The following ZNF385D variants were observed in gnomAD, a reference collection of about 807,000 sequenced individuals.
ZNF385D encodes the protein zinc finger protein 385D.
A neutral mutation model predicts 35.8 loss-of-function variants in ZNF385D; 15 were observed. That is an observed-to-expected ratio of 0.42 (90% CI 0.28 to 0.64). The LOEUF is 0.64. Ranked by LOEUF, ZNF385D falls within the 30% of genes least tolerant of loss-of-function variation. The pLI is 0.23. For synonymous variants in ZNF385D, 212 were observed against 186.8 expected (o/e 1.13, Z -1.10); for missense variants, 474 against 494.6 (o/e 0.96, Z 0.39).
intron 3 of ZNF385D, among the ~76,000 whole-genome samples, chr3:22,018,277 TA>T (rs1281462995): frequency 6.6e-6 from 1 of 151,732 alleles, no homozygotes; most frequent in East Asian, 1.9e-4. Context: ...ACTTGTCATT[TA>T]AAAAATTATA....
chr3:21,433,646 G>T (rs1039175663), intron 5 of ZNF385D, among the ~76,000 whole-genome samples: 3 of 152,122 alleles, frequency 2.0e-5, no homozygotes, highest in Non-Finnish European at 4.4e-5. Context: ...GACAATAGTG[G>T]GGTATATTTA....
At chr3:21,764,087 A>C (rs2070731072) in intron 3 of ZNF385D, among the ~76,000 whole-genome samples, 1 of 152,122 alleles carries the variant, frequency 6.6e-6, no homozygotes, top group African/African-American at 2.4e-5. Context: ...AGATTAGAGA[A>C]GGGCTTTTGA....
chr3:22,196,734 A>G (rs1696447886), intron 2 of ZNF385D, among the ~76,000 whole-genome samples: 1 of 152,032 alleles, frequency 6.6e-6, no homozygotes, highest in Admixed American at 6.6e-5. Flanking sequence ...ACATTTGTTT[A>G]AACCCCAAAA....
intron 2 of ZNF385D, among the ~76,000 whole-genome samples, chr3:21,598,333 T>C (rs888416440): frequency 1.3e-5 from 2 of 152,206 alleles, no homozygotes; most frequent in African/African-American, 4.8e-5. Context: ...ATAGGTTACA[T>C]GCATGTAGCT....
At chr3:22,000,160 C>G (rs1695745302) in intron 3 of ZNF385D, among the ~76,000 whole-genome samples, 1 of 152,032 alleles carries the variant, frequency 6.6e-6, no homozygotes, top group South Asian at 2.1e-4. Flanking sequence ...AAAAAATTAG[C>G]CTGGCGTGGT....
chr3:22,149,636 G>A (rs1306513898), intron 3 of ZNF385D, among the ~76,000 whole-genome samples: 1 of 151,976 alleles, frequency 6.6e-6, no homozygotes. Context: ...CAACTACTTG[G>A]GTCCATATCT....
At chr3:21,795,594 T>A (rs1372278380) in intron 3 of ZNF385D, among the ~76,000 whole-genome samples, 1 of 152,124 alleles carries the variant, frequency 6.6e-6, no homozygotes, top group Non-Finnish European at 1.5e-5. Context: ...AAAGATAAGC[T>A]CAAGTAATTG....
intron 3 of ZNF385D, among the ~76,000 whole-genome samples, chr3:21,531,283 A>T (rs985516251): frequency 6.6e-6 from 1 of 152,206 alleles, no homozygotes; most frequent in African/African-American, 2.4e-5. Flanking sequence ...GTGGAGAAAC[A>T]GGAACTCTCA....
At position 22,372,606 on chromosome 3, in the gene ZNF385D, C is replaced by T. The variant is rs1426903501; in HGVS notation, c.-51G>A. 7.3e-6 allele frequency: 6 copies of T among 817,888 alleles called. No homozygotes were observed. The East Asian group carries it at 5.0e-4, about 68-fold the overall frequency. 50.7% of individuals were successfully genotyped at this position (817,888 alleles called of 1,614,324 possible). On this transcript the variant is annotated 5_prime_UTR_variant, in exon 2 of 6. Transcript: ENST00000494108. ...GCTGTCCCGGGAGACGCACGGCTGC[C>T]CGCCTGCAGCTTCAACGGCGGTGGT...
At chr3:22,290,286 A>G (rs546198198) in intron 2 of ZNF385D, among the ~76,000 whole-genome samples, 1 of 152,278 alleles carries the variant, frequency 6.6e-6, no homozygotes, top group East Asian at 1.9e-4. Flanking sequence ...AACCTATTCA[A>G]TATGAATGCT....
intron 3 of ZNF385D, among the ~76,000 whole-genome samples, chr3:22,131,917 T>G (rs1214536847): frequency 6.6e-6 from 1 of 152,254 alleles, no homozygotes; most frequent in Middle Eastern, 3.4e-3. Context: ...TGGAGGCTGA[T>G]GCTAATGAAT....
chr3:21,871,464 C>A (rs1697687004), intron 3 of ZNF385D, among the ~76,000 whole-genome samples: 1 of 152,082 alleles, frequency 6.6e-6, no homozygotes, highest in Admixed American at 6.6e-5. Context: ...TTCTTGAAGG[C>A]AGTAACTTTG....
chr3:21,988,018 A>T (rs1275336664), intron 3 of ZNF385D, among the ~76,000 whole-genome samples: 1 of 145,052 alleles, frequency 6.9e-6, no homozygotes, highest in Non-Finnish European at 1.5e-5. Flanking sequence ...TTTCAGCTCC[A>T]TCAGCTCCTT....
At chr3:21,634,561 T>C (rs1325453126) in intron 2 of ZNF385D, among the ~76,000 whole-genome samples, 1 of 152,024 alleles carries the variant, frequency 6.6e-6, no homozygotes, top group African/African-American at 2.4e-5. Flanking sequence ...GAAGTACTTA[T>C]CAATATTCAA....
chr3:22,202,233 C>A lies in ZNF385D; in HGVS notation c.107-33198G>T, dbSNP rs115343745. 8.7e-3 allele frequency among the ~76,000 whole-genome samples: 1,325 copies of A among 152,100 alleles called. 17 individuals carry two copies. The highest frequency in any genetic ancestry group is 0.03 in the African/African-American group (1,250 of 41,498). On this transcript the variant is annotated intron_variant, in intron 2 of 5. Transcript: ENST00000494108. ...GCACTTAAGAAAGCTCATAGAAGAA[C>A]CTATCAATAAGCTTTATTTGTTTCT...
At position 22,107,026 on chromosome 3, in the gene ZNF385D, G is replaced by GTTTTTTTTTTTTTT. The variant is rs10676871; in HGVS notation, c.325+61777_325+61790dup. On this transcript the variant is annotated intron_variant, in intron 3 of 5. Coordinates refer to the ZNF385D transcript ENST00000494108. The stretch of plus-strand genomic sequence containing the variant: ...TTTATGCAAAAACTTTGGAATGAGA[G>GTTTTTTTTTTTTTT]TTTTTTTTTTTTTTTTAGACAGAGT... 1.9e-4 allele frequency among the ~76,000 whole-genome samples: 22 copies of GTTTTTTTTTTTTTT among 118,824 alleles called. 1 individual carries two copies. Among genetic ancestry groups the GTTTTTTTTTTTTTT allele is most frequent in the African/African-American group, 4.8e-4 (16 of 33,420 alleles). The allele number at this position is 118,824 out of a possible 152,430, so 78.0% of individuals were successfully genotyped here.
intron 2 of ZNF385D, among the ~76,000 whole-genome samples, chr3:21,634,933 A>T (rs1443523923): frequency 6.6e-6 from 1 of 152,096 alleles, no homozygotes; most frequent in African/African-American, 2.4e-5. Flanking sequence ...GAATTTATTC[A>T]TACATATCAG....
At chr3:21,629,309 T>C (rs1375823092) in intron 2 of ZNF385D, among the ~76,000 whole-genome samples, 1 of 152,056 alleles carries the variant, frequency 6.6e-6, no homozygotes, top group African/African-American at 2.4e-5. Context: ...CAGGTGGAGG[T>C]TGGGGCCTAC....
At chr3:21,553,085 G>A (rs1398561383) in intron 3 of ZNF385D, among the ~76,000 whole-genome samples, 3 of 152,098 alleles carry the variant, frequency 2.0e-5, no homozygotes, top group Admixed American at 6.6e-5. Context: ...AGGAATGCAG[G>A]CAACTTCTAG....
Sources: gnomAD v4.1 joint callset for allele counts (sites outside exome capture counted in the v4.1 genomes callset) on GRCh38, gnomAD v4.1.1 for gene constraint, MANE v1.5 for transcripts, NCBI Gene and HGNC (gene_info 2026-07-23, HGNC 2026-07-21) for gene names.